Variants in EYA1 observed in about 807,000 individuals in gnomAD.
EYA1 encodes protein phosphatase EYA1.
A neutral mutation model predicts 82.0 loss-of-function variants in EYA1; 16 were observed. The observed-to-expected ratio is 0.20, with a 90% CI of 0.13 to 0.30. EYA1 has a LOEUF of 0.30. EYA1 is among the 10% of genes least tolerant of loss of function. The pLI, the probability that EYA1 is intolerant of heterozygous loss-of-function variation, is 1.00. For synonymous variants in EYA1, 261 were observed against 264.4 expected, an observed-to-expected ratio of 0.99 and a Z score of 0.12; for missense variants, 633 against 730.7, an observed-to-expected ratio of 0.87 and a Z score of 1.54.
At chr8:71,483,413 G>C (rs1026761828) in intron 2 of EYA1, among the ~76,000 whole-genome samples, 1 of 152,082 alleles carries the variant, frequency 6.6e-6, no homozygotes, top group Non-Finnish European at 1.5e-5. Context: ...TCACAATCAG[G>C]TTTGCCACAC....
intron 2 of EYA1, among the ~76,000 whole-genome samples, chr8:71,495,505 G>A (rs577827943): frequency 6.6e-6 from 1 of 152,088 alleles, no homozygotes; most frequent in Non-Finnish European, 1.5e-5. Flanking sequence ...CCAGCTACTC[G>A]GGAGGCTGAG....
chr8:71,500,411 C>G (rs1199439615), intron 2 of EYA1, among the ~76,000 whole-genome samples: 1 of 152,136 alleles, frequency 6.6e-6, no homozygotes, highest in African/African-American at 2.4e-5. Flanking sequence ...TTTTCATCTC[C>G]TCTTCAAAGT....
intron 3 of EYA1, among the ~76,000 whole-genome samples, chr8:71,346,452 A>ATATC (rs1554561646): frequency 5.9e-5 from 8 of 134,632 alleles, no homozygotes; most frequent in South Asian, 4.6e-4. Flanking sequence ...ATATATATAT[A>ATATC]TATCTATATA....
chr8:71,217,567 C>T (rs2128856028), intron 12 of EYA1, among the ~76,000 whole-genome samples: 1 of 150,196 alleles, frequency 6.7e-6, no homozygotes, highest in South Asian at 2.1e-4. Flanking sequence ...TTTATCCTCC[C>T]TCTTTCTCTC....
At chr8:71,356,119 A>C (rs56074914) in intron 2 of EYA1, among the ~76,000 whole-genome samples, 16,062 of 152,208 alleles carry the variant, frequency 0.11, 1,070 homozygotes, top group East Asian at 0.18. Flanking sequence ...AAAACAGCTT[A>C]ACATGAACCA....
At chr8:71,509,388 ATTAT>A (rs931602862) in intron 2 of EYA1, among the ~76,000 whole-genome samples, 2 of 152,310 alleles carry the variant, frequency 1.3e-5, no homozygotes, top group East Asian at 1.9e-4. Context: ...CATGCAATAA[ATTAT>A]TTATTTTAGG....
chr8:71,406,597 CA>C (rs537325310), intron 2 of EYA1, among the ~76,000 whole-genome samples: 3 of 152,184 alleles, frequency 2.0e-5, no homozygotes, highest in Non-Finnish European at 4.4e-5. Flanking sequence ...CTTTCCCAGT[CA>C]AAGAAAGGGG....
intron 7 of EYA1, among the ~76,000 whole-genome samples, chr8:71,309,919 G>T (rs889896129): frequency 2.0e-5 from 3 of 152,168 alleles, no homozygotes; most frequent in Non-Finnish European, 2.9e-5. Flanking sequence ...GAGGGAGTGA[G>T]AATTTGTGTT....
intron 11 of EYA1, among the ~76,000 whole-genome samples, chr8:71,264,579 ATT>A (rs35415877): frequency 6.3e-4 from 90 of 142,400 alleles, no homozygotes; most frequent in Middle Eastern, 3.6e-3. Flanking sequence ...GAGCAATTCA[ATT>A]TTTTTTTTTT....
chr8:71,354,498 C>T (rs1826642966), intron 3 of EYA1, among the ~76,000 whole-genome samples: 1 of 152,090 alleles, frequency 6.6e-6, no homozygotes, highest in Non-Finnish European at 1.5e-5. Flanking sequence ...AGATAAAACA[C>T]ACTCAAAGGT....
intron 7 of EYA1, among the ~76,000 whole-genome samples, chr8:71,307,614 A>G (rs548224217): frequency 1.3e-5 from 2 of 152,332 alleles, no homozygotes; most frequent in East Asian, 1.9e-4. Flanking sequence ...ATATTTTTGA[A>G]TCTCCAGTAA....
intron 1 of EYA1, among the ~76,000 whole-genome samples, chr8:71,538,491 C>CATTGATCATTCAAT (rs1814889928): frequency 6.6e-6 from 1 of 152,162 alleles, no homozygotes; most frequent in African/African-American, 2.4e-5. Flanking sequence ...TAGAAAGCAT[C>CATTGATCATTCAAT]CACAAAATTT....
At chr8:71,537,976 G>A (rs1009092137) in intron 1 of EYA1, among the ~76,000 whole-genome samples, 2 of 152,130 alleles carry the variant, frequency 1.3e-5, no homozygotes, top group Admixed American at 6.5e-5. Context: ...AGCATTCATC[G>A]ACTTCAGGTA....
chr8:71,541,777 G>A (rs899979936), intron 1 of EYA1, among the ~76,000 whole-genome samples: 1 of 152,132 alleles, frequency 6.6e-6, no homozygotes, highest in Admixed American at 6.5e-5. Context: ...ATTGCACATA[G>A]GAAGCTTTGC....
intron 2 of EYA1, among the ~76,000 whole-genome samples, chr8:71,406,432 CA>C (rs1830228130): frequency 6.6e-6 from 1 of 152,188 alleles, no homozygotes; most frequent in South Asian, 2.1e-4. Context: ...ACGCAGAAGA[CA>C]GGTGATTTCT....
intron 17 of EYA1, among the ~76,000 whole-genome samples, chr8:71,200,613 T>A (rs922550786): frequency 2.0e-5 from 3 of 152,164 alleles, no homozygotes; most frequent in Non-Finnish European, 4.4e-5. Context: ...AATATTTCTT[T>A]GTAGATTTCT....
chr8:71,527,716 C>G (rs907601624), intron 2 of EYA1, among the ~76,000 whole-genome samples: 3 of 152,162 alleles, frequency 2.0e-5, no homozygotes, highest in Non-Finnish European at 4.4e-5. Flanking sequence ...AACAACAGAA[C>G]AATGCATGAA....
At chr8:71,458,160 A>G (rs1808097822) in intron 2 of EYA1, among the ~76,000 whole-genome samples, 1 of 152,190 alleles carries the variant, frequency 6.6e-6, no homozygotes. Context: ...GACTTATATA[A>G]GTTGTATACA....
At chr8:71,253,280 C>G (rs1813968891) in intron 11 of EYA1, among the ~76,000 whole-genome samples, 1 of 152,032 alleles carries the variant, frequency 6.6e-6, no homozygotes, top group South Asian at 2.1e-4. Flanking sequence ...GGTATTCTGT[C>G]CGCTCAGGGT....
Sources: allele counts gnomAD v4.1 joint callset (sites outside exome capture counted in the v4.1 genomes callset), GRCh38; gene constraint gnomAD v4.1.1; transcripts MANE v1.5; gene names NCBI Gene and HGNC (gene_info 2026-07-23, HGNC 2026-07-21).